CBLL1: variants seen among roughly 807,000 people sequenced by gnomAD.
The protein encoded by CBLL1 is Cbl proto-oncogene like 1, also known as E3 ubiquitin-protein ligase Hakai.
CBLL1 carries 4 observed loss-of-function variants against 44.9 expected under a neutral mutation model. The ratio of observed to expected loss-of-function variants is 0.09; its 90% CI spans 0.04 to 0.20. CBLL1 has a LOEUF of 0.20. Among genes scored for constraint, CBLL1 ranks in the 10% least tolerant of loss-of-function variants. The probability of loss-of-function intolerance (pLI) is 1.00; values close to 1 mark genes in which losing one functional copy is unlikely to be tolerated. For synonymous variants in CBLL1, 235 were observed against 202.2 expected, an observed-to-expected ratio of 1.16 and a Z score of -1.38; for missense variants, 569 against 636.7, an observed-to-expected ratio of 0.89 and a Z score of 1.14.
At chr7:107,745,359 G>A (rs1792960382) in intron 1 of CBLL1, among the ~76,000 whole-genome samples, 1 of 152,198 alleles carries the variant, frequency 6.6e-6, no homozygotes, top group South Asian at 2.1e-4. Flanking sequence ...AAAAAAGCAA[G>A]AGGAAGAGCA....
chr7:107,745,802 T>G (rs1792985710), intron 1 of CBLL1, among the ~76,000 whole-genome samples: 1 of 152,168 alleles, frequency 6.6e-6, no homozygotes, highest in African/African-American at 2.4e-5. Flanking sequence ...GGTCCATTAT[T>G]GAGCTGAGGA....
Position 107,755,528 on chromosome 7 carries a change from A to C in CBLL1, c.440+37A>C, listed in dbSNP as rs745704725. 3.7e-5 allele frequency: 45 copies of C among 1,217,714 alleles called. No individual in the cohort carries two copies. In the African/African-American group the frequency reaches 5.1e-4, roughly 14 times the overall value. 75.4% of individuals were successfully genotyped at this position (1,217,714 alleles called of 1,614,324 possible). ...TTATCATTACCTTTTTTAAATAATAAAGTTTTAGTGCAATGATTTATAAGT... is the reference window on the plus strand; with the variant it reads ...TTATCATTACCTTTTTTAAATAATACAGTTTTAGTGCAATGATTTATAAGT... On this transcript the variant is annotated intron_variant, in intron 5 of 5. Transcript: ENST00000440859.
rs111308725 is a variant in CBLL1 at position 107,744,425 on chromosome 7, C to T, written c.13+249C>T. 2,674 of 443,846 alleles carry T rather than the reference C, an allele frequency of 6.0e-3. 53 individuals are homozygous for T. The highest frequency in any genetic ancestry group is 0.049 in the African/African-American group (2,423 of 49,114). 27.5% of individuals were successfully genotyped at this position (443,846 alleles called of 1,614,324 possible). On this transcript the variant is annotated intron_variant, in intron 1 of 5. Coordinates refer to ENST00000440859, the MANE Select transcript of CBLL1 (RefSeq NM_024814.4). The stretch of plus-strand genomic sequence containing the variant: ...TACTCTGGTTCTGCTGAGCTCCGAG[C>T]CCGGACCAGTGGGCGATGTAGGCCT...
At chr7:107,756,471 T>G (rs559632277) in intron 5 of CBLL1, among the ~76,000 whole-genome samples, 32 of 152,328 alleles carry the variant, frequency 2.1e-4, no homozygotes, top group Non-Finnish European at 4.3e-4. Context: ...ATATTTTGTT[T>G]ATAGAATTAT....
Position 107,759,679 on chromosome 7 carries a change from A to C in CBLL1, c.*501A>C, listed in dbSNP as rs1400126098. 6.5e-6 allele frequency: 1 copy of C among 153,448 alleles called. No individual in the cohort carries two copies. Among genetic ancestry groups the C allele is most frequent in the Non-Finnish European group, 1.5e-5 (1 of 68,596 alleles). The allele number at this position is 153,448 out of a possible 1,614,324, so 9.5% of individuals were successfully genotyped here. On this transcript the variant is annotated 3_prime_UTR_variant, in exon 6 of 6. Transcript: ENST00000440859. ...CCCAAAGTTATAATAAAATCCTGAA[A>C]GTAAAAATCTACTAGAATTTGCTGT...
chr7:107,753,569 C>T, intron 3 of CBLL1, 58 bp downstream of exon 3: 1 of 994,880 alleles, frequency 1.0e-6, no homozygotes, highest in Non-Finnish European at 1.4e-6. Flanking sequence ...GTATTAAATA[C>T]TTAAAATGTT....
At position 107,759,127 on chromosome 7, in the gene CBLL1, T is replaced by C; in HGVS notation, c.1425T>C (p.Leu475=). Reference sequence around the variant, plus strand: ...AGGGTCCGCCTTCTCAAACCCCACTTCCTGGACCACATCATCCAGATCAGA... The same window carrying C: ...AGGGTCCGCCTTCTCAAACCCCACTCCCTGGACCACATCATCCAGATCAGA... ...RLQGPPSQTP[L]PGPHHPDQTR... is the part of the protein sequence containing the mutation. Residue 475 remains leucine (L), a synonymous_variant, in exon 6 of 6, where the codon CTT becomes CTC. Transcript: ENST00000440859. 2 of 1,613,766 alleles carry C rather than the reference T, an allele frequency of 1.2e-6. No individual in the cohort carries two copies. The highest frequency in any genetic ancestry group is 1.3e-5 in the African/African-American group (1 of 75,008).
chr7:107,745,700 A>G (rs1792981675), intron 1 of CBLL1, among the ~76,000 whole-genome samples: 1 of 152,014 alleles, frequency 6.6e-6, no homozygotes, highest in African/African-American at 2.4e-5. Flanking sequence ...AATGAAGGAG[A>G]ATGGGCAGCT....
chr7:107,754,944 G>A (rs1793460815), intron 4 of CBLL1, among the ~76,000 whole-genome samples: 1 of 151,986 alleles, frequency 6.6e-6, no homozygotes, highest in African/African-American at 2.4e-5. Flanking sequence ...GGACAATTTA[G>A]TGAGACCCTG....
intron 1 of CBLL1, 80 bp from the exon 2 acceptor site, chr7:107,748,800 A>G (rs1489522157): frequency 3.5e-6 from 4 of 1,149,516 alleles, no homozygotes; most frequent in East Asian, 2.4e-5. Context: ...AATGTTAGGT[A>G]TGGTGTTTTA....
At chr7:107,749,688 G>T (rs1793186162) in intron 2 of CBLL1, among the ~76,000 whole-genome samples, 2 of 145,984 alleles carry the variant, frequency 1.4e-5, no homozygotes, top group African/African-American at 2.5e-5. Context: ...ATCCAAATTT[G>T]TAGTTTTAAA....
intron 1 of CBLL1, among the ~76,000 whole-genome samples, chr7:107,745,482 G>T (rs979920933): frequency 6.6e-6 from 1 of 152,226 alleles, no homozygotes; most frequent in Non-Finnish European, 1.5e-5. Context: ...AGGGCAGCAG[G>T]CACATCATTC....
At position 107,759,670 on chromosome 7, in the gene CBLL1, A is replaced by G. The variant is rs1793688877; in HGVS notation, c.*492A>G. 6.5e-6 allele frequency: 1 copy of G among 153,406 alleles called. No individual in the cohort carries two copies. Among genetic ancestry groups the G allele is most frequent in the Non-Finnish European group, 1.5e-5 (1 of 68,560 alleles). The allele number at this position is 153,406 out of a possible 1,614,324, so 9.5% of individuals were successfully genotyped here. A position where few individuals can be genotyped will look rare whatever the true frequency, so the allele number is the denominator to read the frequency against. Reference sequence around the variant, plus strand: ...CACTAATTTCCCAAAGTTATAATAAAATCCTGAAAGTAAAAATCTACTAGA... The same window carrying G: ...CACTAATTTCCCAAAGTTATAATAAGATCCTGAAAGTAAAAATCTACTAGA... On this transcript the variant is annotated 3_prime_UTR_variant, in exon 6 of 6. Transcript: ENST00000440859.
intron 5 of CBLL1, among the ~76,000 whole-genome samples, chr7:107,757,531 G>A (rs892192458): frequency 1.3e-5 from 2 of 152,126 alleles, no homozygotes; most frequent in East Asian, 3.9e-4. Flanking sequence ...GTTAAATTTA[G>A]TGCTCACAAA....
intron 4 of CBLL1, among the ~76,000 whole-genome samples, chr7:107,754,527 T>C (rs909927616): frequency 6.6e-6 from 1 of 151,892 alleles, no homozygotes; most frequent in South Asian, 2.1e-4. Context: ...AAAAAAAAAA[T>C]TGAATTCAAT....
At chr7:107,754,876 G>C (rs1793458690) in intron 4 of CBLL1, among the ~76,000 whole-genome samples, 1 of 152,170 alleles carries the variant, frequency 6.6e-6, no homozygotes, top group African/African-American at 2.4e-5. Context: ...TATAATCCCA[G>C]GGCTTTGGGA....
intron 1 of CBLL1, among the ~76,000 whole-genome samples, chr7:107,746,277 T>C (rs182344578): frequency 6.6e-6 from 1 of 152,348 alleles, no homozygotes; most frequent in East Asian, 1.9e-4. Flanking sequence ...ATCTTAATTC[T>C]TGAAGTTTAG....
At position 107,753,453 on chromosome 7, in the gene CBLL1, G is replaced by T; in HGVS notation, c.224G>T (p.Gly75Val). The change falls in exon 3 of 6, where the codon GGG becomes GTG. Residue 75 changes from glycine (G) to valine (V), a missense_variant. Coordinates refer to ENST00000440859, the MANE Select transcript of CBLL1 (RefSeq NM_024814.4). ...GAAGAAGAACGGTATGACTGTAAAG[G>T]GGGTGAGCTGTTTGCAAATCAGCGA... ...YNEEERYDCK[G>V]GELFANQRRF... 2 of 1,591,284 alleles carry T rather than the reference G, an allele frequency of 1.3e-6. No homozygotes were observed. The highest frequency in any genetic ancestry group is 8.5e-7 in the Non-Finnish European group (1 of 1,171,598).
At chr7:107,744,218 C>A in intron 1 of CBLL1, 42 bp downstream of exon 1, 4 of 1,532,750 alleles carry the variant, frequency 2.6e-6, no homozygotes, top group East Asian at 2.5e-5. Context: ...TCCAAGCCCC[C>A]TTGGCCGGCC....
Sources: allele counts gnomAD v4.1 joint callset (sites outside exome capture counted in the v4.1 genomes callset), GRCh38; gene constraint gnomAD v4.1.1; transcripts MANE v1.5; gene names NCBI Gene and HGNC (gene_info 2026-07-23, HGNC 2026-07-21).